PI4K2A: variants seen among roughly 807,000 people sequenced by gnomAD.
The protein encoded by PI4K2A is phosphatidylinositol 4-kinase type 2 alpha, also known as phosphatidylinositol 4-kinase type 2-alpha.
In PI4K2A, 20 loss-of-function variants were observed where a neutral mutation model predicts 55.0. That is an observed-to-expected ratio of 0.36 (90% CI 0.26 to 0.53). The LOEUF (loss-of-function observed/expected upper bound fraction) is 0.53. Ranked by LOEUF, PI4K2A falls within the 20% of genes least tolerant of loss-of-function variation. The pLI is 0.91. For missense variants in PI4K2A, 463 were observed against 637.1 expected (o/e 0.73, Z 2.94); for synonymous variants, 235 against 258.5 (o/e 0.91, Z 0.87).
chr10:97,674,136 C>T (rs536745543), exon 9 of PI4K2A: 6 of 160,556 alleles, frequency 3.7e-5, no homozygotes, highest in South Asian at 3.8e-4. Flanking sequence ...AGCAGAACCC[C>T]GGGTCATCTC....
intron 1 of PI4K2A, among the ~76,000 whole-genome samples, chr10:97,646,161 T>C (rs1463746179): frequency 1.3e-5 from 2 of 152,142 alleles, no homozygotes; most frequent in Non-Finnish European, 2.9e-5. Flanking sequence ...GATTGAATAC[T>C]AAGATATGAG....
exon 1 of PI4K2A, chr10:97,640,737 T>C: frequency 6.7e-7 from 1 of 1,490,674 alleles, no homozygotes. Flanking sequence ...GCCGGCTGTC[T>C]GAGGGATGGA....
intron 2 of PI4K2A, among the ~76,000 whole-genome samples, chr10:97,655,867 G>A (rs549406636): frequency 3.9e-5 from 6 of 152,156 alleles, no homozygotes; most frequent in South Asian, 4.2e-4. Flanking sequence ...GAGCCACCAC[G>A]CCTGGCCAGG....
chr10:97,668,154 AG>A (rs2041618607), intron 8 of PI4K2A, among the ~76,000 whole-genome samples: 1 of 152,124 alleles, frequency 6.6e-6, no homozygotes, highest in African/African-American at 2.4e-5. Flanking sequence ...CTAGTGGTTA[AG>A]GGTGCAAACT....
intron 2 of PI4K2A, among the ~76,000 whole-genome samples, chr10:97,653,732 C>A (rs2135755554): frequency 6.6e-6 from 1 of 152,336 alleles, no homozygotes; most frequent in Middle Eastern, 3.4e-3. Context: ...GCCTGGCCAA[C>A]AGGGTGAAAC....
At chr10:97,641,101 C>A in exon 1 of PI4K2A, 1 of 1,608,760 alleles carries the variant, frequency 6.2e-7, no homozygotes, top group Non-Finnish European at 8.5e-7. Flanking sequence ...GCCGAGCTGG[C>A]CATCGAGCGC....
At chr10:97,664,957 C>A in exon 6 of PI4K2A, 2 of 1,613,038 alleles carry the variant, frequency 1.2e-6, no homozygotes, top group Non-Finnish European at 1.7e-6. Flanking sequence ...GGCCTTCCCA[C>A]TGAAGCATCC....
At chr10:97,661,495 A>G (rs2041583852) in intron 4 of PI4K2A, among the ~76,000 whole-genome samples, 1 of 151,762 alleles carries the variant, frequency 6.6e-6, no homozygotes, top group African/African-American at 2.4e-5. Flanking sequence ...ATAAAGGTCC[A>G]CATATTACAT....
intron 1 of PI4K2A, among the ~76,000 whole-genome samples, chr10:97,647,581 G>C (rs1253051741): frequency 6.6e-6 from 1 of 152,174 alleles, no homozygotes; most frequent in Non-Finnish European, 1.5e-5. Flanking sequence ...CAGAATGCTT[G>C]CACATCGTTC....
intron 8 of PI4K2A, 53 bp downstream of exon 8, chr10:97,667,173 G>A: frequency 1.5e-6 from 2 of 1,340,674 alleles, no homozygotes; most frequent in Admixed American, 1.9e-5. Context: ...AGTGTTGTGT[G>A]CTCAGGTTGA....
At position 97,644,613 on chromosome 10, in the gene PI4K2A, C is replaced by T. The variant is rs373788014; in HGVS notation, c.435+3436C>T. 1.3e-4 allele frequency among the ~76,000 whole-genome samples: 20 copies of T among 152,116 alleles called. 2 individuals are homozygous for T. Among genetic ancestry groups the T allele is most frequent in the Admixed American group, 1.1e-3 (17 of 15,268 alleles). On this transcript the variant is annotated intron_variant, in intron 1 of 8. Transcript: ENST00000370631. ...TAGGATATGGCTTCTACTACATGGT[C>T]CAAGATGGCCGCTCAAGCTGCAAAC...
chr10:97,648,069 G>T (rs947128771), intron 1 of PI4K2A, among the ~76,000 whole-genome samples: 2 of 151,124 alleles, frequency 1.3e-5, no homozygotes, highest in South Asian at 4.2e-4. Context: ...GGGACTACAG[G>T]TGCATACCAC....
At chr10:97,669,431 C>T (rs2041625315) in intron 8 of PI4K2A, among the ~76,000 whole-genome samples, 1 of 151,232 alleles carries the variant, frequency 6.6e-6, no homozygotes, top group South Asian at 2.1e-4. Flanking sequence ...AACCCTTCTC[C>T]CATTACTCAG....
chr10:97,644,523 G>A (rs1474458354), intron 1 of PI4K2A, among the ~76,000 whole-genome samples: 1 of 152,122 alleles, frequency 6.6e-6, no homozygotes, highest in Non-Finnish European at 1.5e-5. Context: ...GCATGCTCAG[G>A]GCTGGCATGA....
At chr10:97,675,527 AG>A (rs1233287353) in exon 9 of PI4K2A, 1 of 152,482 alleles carries the variant, frequency 6.6e-6, no homozygotes, top group Non-Finnish European at 1.5e-5. Context: ...AGGAGCCAGA[AG>A]GGGACCCAGG....
exon 9 of PI4K2A, chr10:97,674,808 T>G (rs2041654106): frequency 6.6e-6 from 1 of 152,216 alleles, no homozygotes; most frequent in Non-Finnish European, 1.5e-5. Context: ...TTGGTGGAAG[T>G]AACAGGACGT....
At chr10:97,670,903 C>T (rs2041631553) in intron 8 of PI4K2A, among the ~76,000 whole-genome samples, 3 of 152,042 alleles carry the variant, frequency 2.0e-5, no homozygotes, top group South Asian at 4.2e-4. Flanking sequence ...TTTGGGAGGC[C>T]GAGGCGGGTG....
At chr10:97,665,111 C>T (rs2041603691) in intron 6 of PI4K2A, 127 bp downstream of exon 6, 1 of 596,094 alleles carries the variant, frequency 1.7e-6, no homozygotes, top group Non-Finnish European at 3.0e-6. Context: ...GGAGTTCAGG[C>T]ACTTTAACAC....
In PI4K2A at chr10:97,656,719, A is replaced by T. The variant is rs1428634365; in HGVS notation, c.769-102A>T. The T allele has an allele frequency of 1.9e-6, 2 of 1,071,196 alleles. No individual in the cohort carries two copies. The highest frequency in any genetic ancestry group is 2.8e-6 in the Non-Finnish European group (2 of 721,156). The allele number at this position is 1,071,196 out of a possible 1,614,324, so 66.4% of individuals were successfully genotyped here. On this transcript the variant is annotated intron_variant, in intron 3 of 8. Coordinates refer to ENST00000370631, the Ensembl canonical transcript of PI4K2A. The surrounding 1 kb of genome is among the most constrained non-coding windows in gnomAD (Gnocchi z 4.5). ...GATCTTGAAAAGTTTTCCTTCTCTG[A>T]TACAAACTCCATAGGGCCTTAATGG...
Sources: gnomAD v4.1 joint callset for allele counts (sites outside exome capture counted in the v4.1 genomes callset) on GRCh38, gnomAD v4.1.1 for gene constraint, Gnocchi (gnomAD v3.1) non-coding constraint, MANE v1.5 for transcripts, NCBI Gene and HGNC (gene_info 2026-07-23, HGNC 2026-07-21) for gene names.